Variants in CLYBL observed in about 807,000 individuals in gnomAD.
CLYBL encodes citramalyl-CoA lyase, also known as citramalyl-CoA lyase, mitochondrial.
Under a neutral mutation model 38.9 loss-of-function variants are expected in CLYBL, and 31 were observed. The observed-to-expected ratio is 0.80, with a 90% CI of 0.60 to 1.08. The LOEUF is 1.08. Ranked by LOEUF, CLYBL falls within the 50% of genes least tolerant of loss-of-function variation. CLYBL has a pLI of 0.00. For synonymous variants in CLYBL, 171 were observed against 158.6 expected, an observed-to-expected ratio of 1.08 and a Z score of -0.59; for missense variants, 434 against 411.6, an observed-to-expected ratio of 1.05 and a Z score of -0.47.
At position 99,832,318 on chromosome 13, in the gene CLYBL, TCCCTC is replaced by T. The variant is rs763842037; in HGVS notation, c.250-26541_250-26537del. 2.5e-3 allele frequency among the ~76,000 whole-genome samples: 386 copies of T among 152,318 alleles called. 1 individual carries two copies. In the Middle Eastern group the frequency reaches 0.037, roughly 15 times the overall value. On this transcript the variant is annotated intron_variant, in intron 2 of 8. Coordinates refer to ENST00000339105, the MANE Select transcript of CLYBL (RefSeq NM_206808.5). ...ACCACTGGGTCGTACCACTTGTTTCTCCCTCCACGTCCTCAAATGATCTCTTAAAA... is the reference window on the plus strand; with the variant it reads ...ACCACTGGGTCGTACCACTTGTTTCTCACGTCCTCAAATGATCTCTTAAAA...
At chr13:99,874,719 C>A (rs1423524784) in intron 7 of CLYBL, among the ~76,000 whole-genome samples, 2 of 152,074 alleles carry the variant, frequency 1.3e-5, no homozygotes, top group Non-Finnish European at 2.9e-5. Flanking sequence ...TTCCTCAAAT[C>A]TATATTATGA....
chr13:99,805,487 G>A (rs1461052486), intron 2 of CLYBL, among the ~76,000 whole-genome samples: 1 of 151,930 alleles, frequency 6.6e-6, no homozygotes, highest in Admixed American at 6.6e-5. Flanking sequence ...CAACACTCTC[G>A]GTGAGAAAGG....
At position 99,746,355 on chromosome 13, in the gene CLYBL, A is replaced by ATT. The variant is rs34410635; in HGVS notation, c.63-26451_63-26450dup. Among the ~76,000 whole-genome samples the ATT allele has an allele frequency of 8.9e-3, 1,284 of 144,500 alleles. 17 individuals carry two copies. The highest frequency in any genetic ancestry group is 0.029 in the African/African-American group (1,146 of 38,960). 94.8% of individuals were successfully genotyped at this position (144,500 alleles called of 152,430 possible). A position where few individuals can be genotyped will look rare whatever the true frequency, so the allele number is the denominator to read the frequency against. ...AATAGTCATTTCAGCTTTAAATACT[A>ATT]TTTTTTTTTTTTTTTTTTTACATAG... is the stretch of plus-strand genomic sequence containing the variant. On this transcript the variant is annotated intron_variant, in intron 1 of 8. Coordinates refer to ENST00000339105, the MANE Select transcript of CLYBL (RefSeq NM_206808.5).
chr13:99,690,289 C>T (rs917188012), intron 1 of CLYBL: 1 of 152,164 alleles, frequency 6.6e-6, no homozygotes, highest in African/African-American at 2.4e-5. Flanking sequence ...ATTCAGAGTT[C>T]TTTGCTTTTT....
Position 99,772,786 on chromosome 13 carries a change from A to C in CLYBL, c.63-38A>C, listed in dbSNP as rs1192901635. 2.7e-6 allele frequency: 4 copies of C among 1,485,128 alleles called. No individual in the cohort carries two copies. In the East Asian group the frequency reaches 7.0e-5, roughly 26 times the overall value. 92.0% of individuals were successfully genotyped at this position (1,485,128 alleles called of 1,614,324 possible). Reference sequence around the variant, plus strand: ...TTTTCACAAGTTTATAAATACAGAAATCTCATTCTGGACTAACCCCAATCA... The same window carrying C: ...TTTTCACAAGTTTATAAATACAGAACTCTCATTCTGGACTAACCCCAATCA... On this transcript the variant is annotated intron_variant, in intron 1 of 8. Coordinates refer to ENST00000339105, the MANE Select transcript of CLYBL (RefSeq NM_206808.5).
At chr13:99,769,041 T>C (rs1292515603) in intron 1 of CLYBL, among the ~76,000 whole-genome samples, 1 of 152,198 alleles carries the variant, frequency 6.6e-6, no homozygotes, top group East Asian at 1.9e-4. Context: ...ACAGTGGCTC[T>C]CAGCCTCTTT....
intron 2 of CLYBL, among the ~76,000 whole-genome samples, chr13:99,805,043 C>T (rs1198673692): frequency 2.6e-5 from 4 of 152,226 alleles, no homozygotes; most frequent in Admixed American, 6.5e-5. Context: ...GCTTATTTCA[C>T]TCCGCCTATT....
At position 99,656,746 on chromosome 13, in the gene CLYBL, G is replaced by A. The variant is rs375942770; in HGVS notation, c.62+49989G>A. 9.9e-5 allele frequency among the ~76,000 whole-genome samples: 15 copies of A among 152,224 alleles called. No individual in the cohort carries two copies. In the South Asian group the frequency reaches 3.1e-3, roughly 32 times the overall value. ...TTTTAAAATTTCCATTCAAAATTAT[G>A]GGTTGGTAAATTGTAAGATACTTAA... On this transcript the variant is annotated intron_variant, in intron 1 of 8. Transcript: ENST00000339105.
At chr13:99,777,233 T>C (rs181969590) in intron 2 of CLYBL, among the ~76,000 whole-genome samples, 1 of 152,164 alleles carries the variant, frequency 6.6e-6, no homozygotes, top group Non-Finnish European at 1.5e-5. Context: ...AACCTAACTC[T>C]CCTAAAATCC....
chr13:99,714,090 C>A (rs1229956997), intron 1 of CLYBL, among the ~76,000 whole-genome samples: 4 of 152,134 alleles, frequency 2.6e-5, no homozygotes, highest in Admixed American at 2.6e-4. Context: ...TGGGCTCAAG[C>A]AATCCTCTAC....
intron 2 of CLYBL, among the ~76,000 whole-genome samples, chr13:99,783,129 G>A (rs547448130): frequency 7.9e-5 from 12 of 151,700 alleles, no homozygotes; most frequent in East Asian, 1.9e-4. Context: ...TGTAACCTCC[G>A]CCTCCTGGGT....
In CLYBL at chr13:99,655,330, C is replaced by A. The variant is rs750923732; in HGVS notation, c.62+48573C>A. On this transcript the variant is annotated intron_variant, in intron 1 of 8. Coordinates refer to ENST00000339105, the MANE Select transcript of CLYBL (RefSeq NM_206808.5). ...ACCTCAGATGATCTGTCTGCCTCGG[C>A]CTCCCAAAGTGCTGGGATTATAGGC... 3.3e-5 allele frequency among the ~76,000 whole-genome samples: 5 copies of A among 152,144 alleles called. No individual in the cohort carries two copies. In the South Asian group the frequency reaches 8.3e-4, roughly 25 times the overall value.
At chr13:99,713,381 C>G (rs2048264561) in intron 1 of CLYBL, among the ~76,000 whole-genome samples, 2 of 148,670 alleles carry the variant, frequency 1.3e-5, no homozygotes, top group Non-Finnish European at 3.0e-5. Context: ...GGTCTGTCGC[C>G]CAGGCTGGAG....
At chr13:99,640,089 T>C (rs572856849) in intron 1 of CLYBL, among the ~76,000 whole-genome samples, 4 of 152,370 alleles carry the variant, frequency 2.6e-5, no homozygotes, top group African/African-American at 9.6e-5. Context: ...CTTTAATCTC[T>C]CTTGATACTA....
intron 1 of CLYBL, among the ~76,000 whole-genome samples, chr13:99,686,339 G>A (rs1262074422): frequency 6.6e-6 from 1 of 152,196 alleles, no homozygotes; most frequent in Non-Finnish European, 1.5e-5. Context: ...CACCGGCTCG[G>A]CCCAGCACCA....
In CLYBL at chr13:99,865,166, G is replaced by C; in HGVS notation, c.634+255G>C. On this transcript the variant is annotated intron_variant, in intron 5 of 8. Coordinates refer to ENST00000339105, the MANE Select transcript of CLYBL (RefSeq NM_206808.5). The surrounding 1 kb of genome is among the most constrained non-coding windows in gnomAD (Gnocchi z 4.7). Reference sequence around the variant, plus strand: ...AGACACGAGCAATAGAAAGCCTGTTGCAGCCCCAGGCATGCTCAGGAATAT... The same window carrying C: ...AGACACGAGCAATAGAAAGCCTGTTCCAGCCCCAGGCATGCTCAGGAATAT... 2.2e-6 allele frequency: 1 copy of C among 452,154 alleles called. No homozygotes were observed. Among genetic ancestry groups the C allele is most frequent in the Admixed American group, 2.9e-5 (1 of 34,702 alleles). 28.0% of individuals were successfully genotyped at this position (452,154 alleles called of 1,614,324 possible).
intron 1 of CLYBL, among the ~76,000 whole-genome samples, chr13:99,767,941 C>T (rs1357388477): frequency 3.9e-5 from 6 of 152,018 alleles, no homozygotes; most frequent in African/African-American, 1.4e-4. Context: ...TTTCAGGGAC[C>T]GTTTCTGTTG....
intron 2 of CLYBL, among the ~76,000 whole-genome samples, chr13:99,844,048 T>C (rs937607802): frequency 6.6e-6 from 1 of 152,228 alleles, no homozygotes; most frequent in Non-Finnish European, 1.5e-5. Context: ...ACAGAATGCA[T>C]GTGCAGTGTG....
chr13:99,855,201 C>T (rs2051431433), intron 2 of CLYBL, among the ~76,000 whole-genome samples: 1 of 152,142 alleles, frequency 6.6e-6, no homozygotes. Context: ...AATGGCTCAC[C>T]AAGGCTGTCC....
Sources: gnomAD v4.1 joint callset for allele counts (sites outside exome capture counted in the v4.1 genomes callset) on GRCh38, gnomAD v4.1.1 for gene constraint, Gnocchi (gnomAD v3.1) non-coding constraint, MANE v1.5 for transcripts, NCBI Gene and HGNC (gene_info 2026-07-23, HGNC 2026-07-21) for gene names.